The following ELMO1 variants were observed in gnomAD, a reference collection of about 807,000 sequenced individuals.
ELMO1 encodes engulfment and cell motility 1.
Under a neutral mutation model 98.9 loss-of-function variants are expected in ELMO1, and 26 were observed. That is an observed-to-expected ratio of 0.26 (90% CI 0.19 to 0.36). The LOEUF is 0.36. Ranked by LOEUF, ELMO1 falls within the 10% of genes least tolerant of loss-of-function variation. ELMO1 has a pLI of 1.00. For synonymous variants in ELMO1, 346 were observed against 346.0 expected (o/e 1.00, Z 0.00); for missense variants, 627 against 935.2 (o/e 0.67, Z 4.30).
At chr7:37,334,148 G>C (rs1354830508) in intron 2 of ELMO1, among the ~76,000 whole-genome samples, 1 of 152,178 alleles carries the variant, frequency 6.6e-6, no homozygotes, top group Non-Finnish European at 1.5e-5. Context: ...CATGTTTCAT[G>C]AGTGATTCTG....
In ELMO1 at chr7:36,853,029, AG is replaced by A. The variant is rs1432917447; in HGVS notation, c.*2521del. On this transcript the variant is annotated 3_prime_UTR_variant, in exon 22 of 22. Transcript: ENST00000310758. ...GGATTTGGCTGAGTTGCCCAGGCTTAGGAAACTGCAGGCAACAGGAGATGAG... is the reference window on the plus strand; with the variant it reads ...GGATTTGGCTGAGTTGCCCAGGCTTAGAAACTGCAGGCAACAGGAGATGAG... 4.6e-5 allele frequency among the ~76,000 whole-genome samples: 7 copies of A among 152,354 alleles called. No homozygotes were observed. In the East Asian group the frequency reaches 1.3e-3, roughly 29 times the overall value.
At chr7:37,340,662 A>G (rs1962265) in intron 2 of ELMO1, among the ~76,000 whole-genome samples, 62,938 of 152,104 alleles carry the variant, frequency 0.41, 15,167 homozygotes, top group Non-Finnish European at 0.55. Context: ...AACTGGAAAT[A>G]GGGTATAAAT....
intron 15 of ELMO1, among the ~76,000 whole-genome samples, chr7:37,027,293 A>G (rs1175541333): frequency 6.6e-6 from 1 of 152,216 alleles, no homozygotes; most frequent in Non-Finnish European, 1.5e-5. Flanking sequence ...ATACAGAGAC[A>G]TAGCCCTCCT....
At chr7:37,422,048 C>T (rs1054407587) in intron 1 of ELMO1, among the ~76,000 whole-genome samples, 11 of 152,218 alleles carry the variant, frequency 7.2e-5, no homozygotes, top group African/African-American at 2.7e-4. Context: ...TTGCATTGTG[C>T]AACTCAGATA....
At chr7:37,237,684 C>T (rs1482252818) in intron 7 of ELMO1, among the ~76,000 whole-genome samples, 1 of 152,230 alleles carries the variant, frequency 6.6e-6, no homozygotes, top group Non-Finnish European at 1.5e-5. Context: ...AGGTTAATGG[C>T]CACAGTTCTG....
intron 15 of ELMO1, among the ~76,000 whole-genome samples, chr7:37,020,171 C>T (rs554029409): frequency 2.0e-4 from 30 of 152,140 alleles, no homozygotes; most frequent in Non-Finnish European, 3.8e-4. Flanking sequence ...TTCCTACCTG[C>T]AAATGAGTTG....
intron 4 of ELMO1, among the ~76,000 whole-genome samples, chr7:37,295,622 C>A (rs1320813956): frequency 2.0e-5 from 3 of 152,146 alleles, no homozygotes; most frequent in Admixed American, 6.5e-5. Context: ...TACATTCTTA[C>A]AACAACCAAA....
At chr7:37,423,779 G>A (rs1184262507) in intron 1 of ELMO1, among the ~76,000 whole-genome samples, 2 of 151,960 alleles carry the variant, frequency 1.3e-5, no homozygotes, top group Non-Finnish European at 1.5e-5. Context: ...GAAAACTTAG[G>A]TTTCCACTCC....
At chr7:36,916,560 C>A (rs570207839) in intron 16 of ELMO1, among the ~76,000 whole-genome samples, 2 of 152,352 alleles carry the variant, frequency 1.3e-5, no homozygotes, top group South Asian at 4.1e-4. Context: ...TAAGACAGTG[C>A]TTCCAAGCTC....
At chr7:37,325,553 A>C (rs1294859404) in intron 2 of ELMO1, among the ~76,000 whole-genome samples, 2 of 152,174 alleles carry the variant, frequency 1.3e-5, no homozygotes, top group Admixed American at 1.3e-4. Flanking sequence ...CTCTAACTGC[A>C]AAATGCTTTT....
intron 17 of ELMO1, among the ~76,000 whole-genome samples, chr7:36,888,722 G>A (rs547539306): frequency 6.6e-6 from 1 of 152,182 alleles, no homozygotes; most frequent in Non-Finnish European, 1.5e-5. Flanking sequence ...CTTTCCTCAA[G>A]CCAAACAGTC....
intron 17 of ELMO1, among the ~76,000 whole-genome samples, chr7:36,893,424 T>C (rs1805725833): frequency 6.6e-6 from 1 of 152,200 alleles, no homozygotes; most frequent in Non-Finnish European, 1.5e-5. Flanking sequence ...CTGGTGCTCA[T>C]GCAGGTATGA....
At chr7:37,175,092 AG>A (rs1161614350) in intron 13 of ELMO1, among the ~76,000 whole-genome samples, 1 of 152,204 alleles carries the variant, frequency 6.6e-6, no homozygotes, top group African/African-American at 2.4e-5. Flanking sequence ...AAGGGAAAAA[AG>A]GAAGGCGGGA....
At chr7:37,170,007 T>A (rs1378436474) in intron 13 of ELMO1, among the ~76,000 whole-genome samples, 3 of 152,158 alleles carry the variant, frequency 2.0e-5, no homozygotes, top group African/African-American at 7.2e-5. Flanking sequence ...GTTCAAGCGA[T>A]TCTCCCGCCT....
intron 15 of ELMO1, among the ~76,000 whole-genome samples, chr7:37,054,328 G>T (rs2129207271): frequency 6.6e-6 from 1 of 152,280 alleles, no homozygotes; most frequent in East Asian, 1.9e-4. Flanking sequence ...CTGTGATAAT[G>T]ATGACATTCA....
At chr7:37,013,635 C>A in intron 15 of ELMO1, 200 bp from the exon 16 acceptor site, 1 of 581,376 alleles carries the variant, frequency 1.7e-6, no homozygotes, top group Non-Finnish European at 3.0e-6. Flanking sequence ...ATAGTCAGAC[C>A]TAGCCTTAGA....
intron 6 of ELMO1, among the ~76,000 whole-genome samples, chr7:37,251,307 T>C (rs1009352824): frequency 6.6e-6 from 1 of 152,202 alleles, no homozygotes; most frequent in Non-Finnish European, 1.5e-5. Context: ...CACAGCTGTA[T>C]TTGCTTTCAC....
intron 2 of ELMO1, among the ~76,000 whole-genome samples, chr7:37,320,876 G>A (rs1464961716): frequency 6.6e-6 from 1 of 152,142 alleles, no homozygotes; most frequent in East Asian, 1.9e-4. Context: ...TAACCAGCAC[G>A]TTTCCCATTT....
At chr7:36,861,903 T>C in intron 20 of ELMO1, 167 bp from the exon 21 acceptor site, 1 of 645,020 alleles carries the variant, frequency 1.6e-6, no homozygotes, top group Non-Finnish European at 2.8e-6. Flanking sequence ...GTTCACGGCA[T>C]GATTCCTTCT....
Sources: allele counts gnomAD v4.1 joint callset (sites outside exome capture counted in the v4.1 genomes callset), GRCh38; gene constraint gnomAD v4.1.1; transcripts MANE v1.5; gene names NCBI Gene and HGNC (gene_info 2026-07-23, HGNC 2026-07-21).